FHAD1: variants seen among roughly 807,000 people sequenced by gnomAD.
The protein encoded by FHAD1 is forkhead-associated domain-containing protein 1.
In FHAD1, 146 loss-of-function variants were observed where a neutral mutation model predicts 191.3. That is an observed-to-expected ratio of 0.76 (90% CI 0.67 to 0.88). The LOEUF is 0.88. Among genes scored for constraint, FHAD1 ranks in the 40% least tolerant of loss-of-function variants. The probability of loss-of-function intolerance (pLI) is 0.00; values close to 1 mark genes in which losing one functional copy is unlikely to be tolerated. For missense variants in FHAD1, 1,635 were observed against 1,785.8 expected, an observed-to-expected ratio of 0.92 and a Z score of 1.52; for synonymous variants, 616 against 672.3, an observed-to-expected ratio of 0.92 and a Z score of 1.29.
intron 3 of FHAD1, among the ~76,000 whole-genome samples, chr1:15,287,961 C>A (rs1663091384): frequency 6.6e-6 from 1 of 152,142 alleles, no homozygotes; most frequent in Non-Finnish European, 1.5e-5. Flanking sequence ...AGAAGGAGAA[C>A]CATGAGCCCT....
intron 14 of FHAD1, among the ~76,000 whole-genome samples, chr1:15,333,405 A>G (rs892443019): frequency 2.6e-5 from 4 of 152,278 alleles, no homozygotes; most frequent in Non-Finnish European, 5.9e-5. Context: ...TATGGTGACG[A>G]TGATAGTCAT....
chr1:15,339,020 TA>T (rs1408593670), intron 14 of FHAD1, among the ~76,000 whole-genome samples: 2 of 152,204 alleles, frequency 1.3e-5, no homozygotes, highest in African/African-American at 4.8e-5. Context: ...ACTTTATTTT[TA>T]TTTTTATTTT....
chr1:15,365,966 T>C, intron 24 of FHAD1, 33 bp downstream of exon 24: 1 of 1,410,628 alleles, frequency 7.1e-7, no homozygotes. Context: ...CTTGACCTCC[T>C]GACCCACTCG....
intron 19 of FHAD1, among the ~76,000 whole-genome samples, chr1:15,351,877 G>C (rs1213811624): frequency 6.6e-6 from 1 of 151,932 alleles, no homozygotes; most frequent in Non-Finnish European, 1.5e-5. Context: ...GTGGGTGGGT[G>C]CCACACAGGT....
At chr1:15,299,673 A>G (rs921738068) in intron 5 of FHAD1, among the ~76,000 whole-genome samples, 10 of 152,246 alleles carry the variant, frequency 6.6e-5, no homozygotes, top group African/African-American at 2.4e-4. Flanking sequence ...GGCAGGAACC[A>G]TAGCTGTGCA....
intron 6 of FHAD1, among the ~76,000 whole-genome samples, chr1:15,303,924 C>T (rs1669623619): frequency 6.6e-6 from 1 of 151,958 alleles, no homozygotes; most frequent in African/African-American, 2.4e-5. Context: ...GATCTTGGCT[C>T]ATAATTGAAA....
intron 19 of FHAD1, among the ~76,000 whole-genome samples, 199 bp downstream of exon 19, chr1:15,349,348 G>A (rs1690025521): frequency 6.6e-6 from 1 of 152,226 alleles, no homozygotes; most frequent in African/African-American, 2.4e-5. Flanking sequence ...AAATGGGAAT[G>A]CTAACAGTCC....
At chr1:15,331,673 GGGAAGGCAGGAA>G (rs1403717465) in intron 14 of FHAD1, among the ~76,000 whole-genome samples, 5 of 136,916 alleles carry the variant, frequency 3.7e-5, no homozygotes, top group African/African-American at 7.9e-5. Flanking sequence ...GAAGGCAGGA[GGGAAGGCAGGAA>G]GGAAGGCAGG....
Position 15,296,548 on chromosome 1 carries a change from C to T in FHAD1, c.569-136C>T, listed in dbSNP as rs7520605. On this transcript the variant is annotated intron_variant, in intron 4 of 33. Coordinates refer to ENST00000688493, the MANE Select transcript of FHAD1 (RefSeq NM_001391957.1). ...GATTACAGGCGTGAGCCACAGCGCC[C>T]GGCCTTTAATTTTTAAATTACATAA... The T allele has an allele frequency of 7.0e-3, 6,120 of 874,812 alleles. 236 individuals are homozygous for T. In the African/African-American group the frequency reaches 0.086, roughly 12 times the overall value. The allele number at this position is 874,812 out of a possible 1,614,324, so 54.2% of individuals were successfully genotyped here.
At position 15,329,121 on chromosome 1, in the gene FHAD1, A is replaced by G. The variant is rs1680156110; in HGVS notation, c.1711-225A>G. The G allele has an allele frequency of 2.5e-6, 1 of 400,384 alleles. No individual in the cohort carries two copies. The allele number at this position is 400,384 out of a possible 1,614,324, so 24.8% of individuals were successfully genotyped here. A position where few individuals can be genotyped will look rare whatever the true frequency, so the allele number is the denominator to read the frequency against. The stretch of plus-strand genomic sequence containing the variant: ...TGGCTCTGGGGTTTCATAGACCTAA[A>G]AGGGGGTTCGCTTTGACCATCAAAA... On this transcript the variant is annotated intron_variant, in intron 13 of 33. Transcript: ENST00000688493. This position sits in a 1 kb window ranked among gnomAD's most constrained non-coding sequence, Gnocchi z 5.0.
At chr1:15,337,619 C>T (rs1024181434) in intron 14 of FHAD1, among the ~76,000 whole-genome samples, 25 of 152,202 alleles carry the variant, frequency 1.6e-4, no homozygotes, top group African/African-American at 6.0e-4. Context: ...TACTAACCAT[C>T]CCACAATGCC....
intron 14 of FHAD1, among the ~76,000 whole-genome samples, chr1:15,335,069 C>T (rs1212631381): frequency 6.6e-6 from 1 of 152,180 alleles, no homozygotes; most frequent in Non-Finnish European, 1.5e-5. Context: ...AATCCTGAAA[C>T]GAATCCCCCA....
At chr1:15,250,843 T>C (rs1251752169) in intron 1 of FHAD1, among the ~76,000 whole-genome samples, 1 of 151,938 alleles carries the variant, frequency 6.6e-6, no homozygotes, top group Non-Finnish European at 1.5e-5. Context: ...TCTCTAAATA[T>C]GAATGAATGA....
chr1:15,352,608 G>T (rs968303039), intron 19 of FHAD1, among the ~76,000 whole-genome samples: 4 of 152,166 alleles, frequency 2.6e-5, no homozygotes, highest in African/African-American at 9.7e-5. Context: ...CCATTCACCA[G>T]CATGTCACTT....
chr1:15,328,218 C>A (rs1679655592), intron 12 of FHAD1, 59 bp from the exon 13 acceptor site: 1 of 1,344,456 alleles, frequency 7.4e-7, no homozygotes, highest in Non-Finnish European at 9.8e-7. Context: ...TCCCTCAGGG[C>A]CCCCCACCCC....
At chr1:15,250,345 T>C (rs1231018947) in intron 1 of FHAD1, among the ~76,000 whole-genome samples, 2 of 152,232 alleles carry the variant, frequency 1.3e-5, no homozygotes, top group Admixed American at 1.3e-4. Flanking sequence ...GTATAGAACT[T>C]ATTTCGAAAT....
chr1:15,306,512 C>A (rs1670533399), intron 6 of FHAD1, among the ~76,000 whole-genome samples: 1 of 152,184 alleles, frequency 6.6e-6, no homozygotes, highest in Non-Finnish European at 1.5e-5. Flanking sequence ...TCACAGCAGC[C>A]CCTCCCATCA....
chr1:15,341,715 T>C, intron 15 of FHAD1, 21 bp from the exon 16 acceptor site: 1 of 1,542,258 alleles, frequency 6.5e-7, no homozygotes, highest in South Asian at 1.2e-5. Context: ...TCAGCATCGG[T>C]TTACTTTTCT....
intron 13 of FHAD1, 96 bp downstream of exon 13, chr1:15,328,525 C>A: frequency 9.3e-7 from 1 of 1,072,952 alleles, no homozygotes; most frequent in Non-Finnish European, 1.2e-6. Flanking sequence ...GCAAGTTGGG[C>A]AGAAATGCTT....
Sources: allele counts gnomAD v4.1 joint callset (sites outside exome capture counted in the v4.1 genomes callset), GRCh38; gene constraint gnomAD v4.1.1; non-coding constraint Gnocchi (gnomAD v3.1); transcripts MANE v1.5; gene names NCBI Gene and HGNC (gene_info 2026-07-23, HGNC 2026-07-21).